CFAP299: variants seen among roughly 807,000 people sequenced by gnomAD.
CFAP299 encodes the protein cilia- and flagella-associated protein 299.
A neutral mutation model predicts 27.0 loss-of-function variants in CFAP299; 21 were observed. That is an observed-to-expected ratio of 0.78 (90% CI 0.55 to 1.12). The LOEUF is 1.12. Ranked by LOEUF, CFAP299 falls within the 50% of genes most tolerant of loss-of-function variation. The probability of loss-of-function intolerance (pLI) is 0.00; values close to 1 mark genes in which losing one functional copy is unlikely to be tolerated. For synonymous variants in CFAP299, 104 were observed against 98.1 expected (o/e 1.06, Z -0.36); for missense variants, 310 against 276.6 (o/e 1.12, Z -0.86).
At chr4:80,458,533 T>A (rs1189932322) in intron 2 of CFAP299, among the ~76,000 whole-genome samples, 1 of 152,238 alleles carries the variant, frequency 6.6e-6, no homozygotes. Context: ...TTGTGTATTT[T>A]TTATATTTAT....
chr4:80,513,596 C>T (rs57871169), intron 2 of CFAP299, among the ~76,000 whole-genome samples: 11,522 of 152,066 alleles, frequency 0.076, 630 homozygotes, highest in East Asian at 0.25. Context: ...TAATTTCATC[C>T]TCAAGTAAAC....
At chr4:80,926,033 T>C (rs1024414575) in intron 4 of CFAP299, among the ~76,000 whole-genome samples, 1 of 152,034 alleles carries the variant, frequency 6.6e-6, no homozygotes, top group African/African-American at 2.4e-5. Flanking sequence ...TAGTTTCCCA[T>C]GGGAAGTATT....
intron 5 of CFAP299, among the ~76,000 whole-genome samples, chr4:80,958,029 A>G (rs1738153322): frequency 6.6e-6 from 1 of 152,146 alleles, no homozygotes; most frequent in South Asian, 2.1e-4. Context: ...GGAATCTCAA[A>G]TTGGACTTTT....
At chr4:80,676,849 G>A (rs975665354) in intron 3 of CFAP299, among the ~76,000 whole-genome samples, 2 of 151,720 alleles carry the variant, frequency 1.3e-5, no homozygotes, top group East Asian at 1.9e-4. Context: ...CTCTTCTTAT[G>A]TTAGTATAGT....
chr4:80,451,640 CT>C (rs1258967709), intron 2 of CFAP299, among the ~76,000 whole-genome samples: 1 of 152,108 alleles, frequency 6.6e-6, no homozygotes, highest in Non-Finnish European at 1.5e-5. Context: ...TTAAAGTTTC[CT>C]TTGAATCTTT....
At chr4:80,328,500 TG>T in the CFAP299 span, among the ~76,000 whole-genome samples, 12,854 of 133,650 alleles carry the variant, frequency 0.096, 1,229 homozygotes, top group African/African-American at 0.26. Flanking sequence ...TTGTATTGTG[TG>T]GGTAGGTAGG....
At position 80,358,599 on chromosome 4, in the gene CFAP299, A is replaced by G. The variant is rs531593067; in HGVS notation, c.112-4155A>G. ...TTAATGCCCTTCTTTGTCTTTTTTT[A>G]ATCTTTGTTGGTTTAGAGTCTGTTT... On this transcript the variant is annotated intron_variant, in intron 1 of 5. Coordinates refer to ENST00000358105, the MANE Select transcript of CFAP299 (RefSeq NM_152770.3). 1.2e-4 allele frequency among the ~76,000 whole-genome samples: 18 copies of G among 151,870 alleles called. No homozygotes were observed. The South Asian group carries it at 2.9e-3, about 25-fold the overall frequency.
At chr4:80,758,380 A>G (rs1725367788) in intron 3 of CFAP299, among the ~76,000 whole-genome samples, 1 of 152,130 alleles carries the variant, frequency 6.6e-6, no homozygotes, top group African/African-American at 2.4e-5. Flanking sequence ...GGCCAGCCAT[A>G]GGCTCCCATG....
intron 3 of CFAP299, among the ~76,000 whole-genome samples, chr4:80,623,592 A>G (rs1181597091): frequency 2.0e-5 from 3 of 152,180 alleles, no homozygotes; most frequent in Non-Finnish European, 4.4e-5. Flanking sequence ...AAGAAAAGAG[A>G]TATTGATAAG....
At chr4:80,347,259 C>T (rs1405919523) in intron 1 of CFAP299, among the ~76,000 whole-genome samples, 1 of 152,106 alleles carries the variant, frequency 6.6e-6, no homozygotes, top group Non-Finnish European at 1.5e-5. Flanking sequence ...TTTGAATACC[C>T]TTTAATTCTT....
At chr4:80,468,259 G>A (rs532063087) in intron 2 of CFAP299, among the ~76,000 whole-genome samples, 21 of 147,886 alleles carry the variant, frequency 1.4e-4, no homozygotes, top group Non-Finnish European at 2.1e-4. Flanking sequence ...TTGCTCTGTC[G>A]TCCAGGCTGG....
intron 5 of CFAP299, among the ~76,000 whole-genome samples, chr4:80,960,665 C>T (rs761899669): frequency 6.6e-6 from 1 of 151,870 alleles, no homozygotes; most frequent in Admixed American, 6.6e-5. Flanking sequence ...ACAGTGGTGT[C>T]AGTCTGTCCC....
intron 3 of CFAP299, among the ~76,000 whole-genome samples, chr4:80,806,243 C>A (rs1056198103): frequency 6.6e-6 from 1 of 152,088 alleles, no homozygotes; most frequent in Non-Finnish European, 1.5e-5. Flanking sequence ...ATCCATAATT[C>A]TCCATATTTT....
At chr4:80,631,077 A>C (rs191722130) in intron 3 of CFAP299, among the ~76,000 whole-genome samples, 1 of 152,066 alleles carries the variant, frequency 6.6e-6, no homozygotes. Flanking sequence ...TAAATTAATT[A>C]TAAAATAACA....
chr4:80,586,661 G>A (rs994534498), intron 3 of CFAP299, among the ~76,000 whole-genome samples: 3 of 152,046 alleles, frequency 2.0e-5, no homozygotes, highest in Admixed American at 1.3e-4. Flanking sequence ...TCTTTCTAGT[G>A]AACAAGCAGC....
At chr4:80,547,059 C>T (rs1228463029) in intron 2 of CFAP299, among the ~76,000 whole-genome samples, 1 of 151,948 alleles carries the variant, frequency 6.6e-6, no homozygotes, top group Admixed American at 6.6e-5. Context: ...GCAAAAAGAG[C>T]TCAAATCACC....
chr4:80,660,146 G>A (rs1740767206), intron 3 of CFAP299, among the ~76,000 whole-genome samples: 1 of 152,108 alleles, frequency 6.6e-6, no homozygotes, highest in Non-Finnish European at 1.5e-5. Flanking sequence ...ACAGGGAATA[G>A]AGGAATATGG....
At chr4:80,360,160 CTT>C (rs1287289839) in intron 1 of CFAP299, among the ~76,000 whole-genome samples, 3 of 152,198 alleles carry the variant, frequency 2.0e-5, no homozygotes, top group Non-Finnish European at 2.9e-5. Flanking sequence ...TGGCCCCTGA[CTT>C]TATTCTCTTG....
chr4:80,332,267 C>G (rs1170081338), upstream of CFAP299, among the ~76,000 whole-genome samples: 1 of 152,194 alleles, frequency 6.6e-6, no homozygotes, highest in Non-Finnish European at 1.5e-5. Context: ...TGATTGTAGA[C>G]AGCTCTTTCC....
Sources: allele counts gnomAD v4.1 joint callset (sites outside exome capture counted in the v4.1 genomes callset), GRCh38; gene constraint gnomAD v4.1.1; transcripts MANE v1.5; gene names NCBI Gene and HGNC (gene_info 2026-07-23, HGNC 2026-07-21).